ACSL5: variants seen among roughly 807,000 people sequenced by gnomAD.
The protein encoded by ACSL5 is acyl-CoA synthetase long chain family member 5, also known as long-chain-fatty-acid--CoA ligase 5.
ACSL5 carries 50 observed loss-of-function variants against 84.9 expected under a neutral mutation model. The observed-to-expected ratio is 0.59, with a 90% CI of 0.47 to 0.75. ACSL5 has a LOEUF of 0.75. Among genes scored for constraint, ACSL5 ranks in the 30% least tolerant of loss-of-function variants. The pLI is 0.00. For synonymous variants in ACSL5, 280 were observed against 300.7 expected, an observed-to-expected ratio of 0.93 and a Z score of 0.71; for missense variants, 775 against 830.4, an observed-to-expected ratio of 0.93 and a Z score of 0.82.
chr10:112,422,385 G>A lies in ACSL5; in HGVS notation c.1537G>A (p.Glu513Lys). The change falls in exon 17 of 21, where the codon GAA (glutamate) becomes AAA (lysine). Residue 513 changes from glutamate to lysine, a missense_variant. Glu to Lys is a moderately conservative substitution (Grantham distance 56). Transcript: ENST00000354655. ...CCTGAAGGACCCTGAGAAGACACAGGAAGCCCTGGACAGTGATGGCTGGCT... is the reference window on the plus strand; with the variant it reads ...CCTGAAGGACCCTGAGAAGACACAGAAAGCCCTGGACAGTGATGGCTGGCT... ...GYLKDPEKTQ[E>K]ALDSDGWLHT... 6.2e-7 allele frequency: 1 copy of A among 1,614,200 alleles called. No homozygotes were observed. The highest frequency in any genetic ancestry group is 1.7e-4 in the Middle Eastern group (1 of 6,060).
In ACSL5 at chr10:112,411,912, A is replaced by G; in HGVS notation, c.881A>G (p.Glu294Gly). The G allele has an allele frequency of 6.2e-7, 1 of 1,613,778 alleles. No homozygotes were observed. Among genetic ancestry groups the G allele is most frequent in the East Asian group, 2.2e-5 (1 of 44,888 alleles). Residue 294 changes from glutamate (E) to glycine (G), a missense_variant, in exon 11 of 21, where the codon GAG (glutamate) becomes GGG (glycine). Glu to Gly is a moderately conservative substitution (Grantham distance 98, BLOSUM62 -2). Coordinates refer to ENST00000354655, the MANE Select transcript of ACSL5 (RefSeq NM_203379.2). Reference protein sequence around the residue: ...AFLKCVEHAYEPTPDDVAISY... With the variant: ...AFLKCVEHAYGPTPDDVAISY... ...CCCTGGCCTACATAGCATGCTTATG[A>G]GCCCACTCCTGATGATGTGGCCATA...
chr10:112,398,967 A>G lies in ACSL5; in HGVS notation c.223A>G (p.Lys75Glu). Residue 75 changes from lysine to glutamate, a missense_variant, in exon 3 of 21, where the codon AAG (lysine) becomes GAG (glutamate). Lys to Glu is a moderately conservative substitution (Grantham distance 56, BLOSUM62 1). Coordinates refer to ENST00000354655, the MANE Select transcript of ACSL5 (RefSeq NM_203379.2). Reference protein sequence around the residue: ...DLTSCCFSDAKTMYEVFQRGL... With the variant: ...DLTSCCFSDAETMYEVFQRGL... ...AACAAGTTGCTGCTTCTCAGATGCCAAGACTATGTATGAGGTTTTCCAAAG... is the reference window on the plus strand; with the variant it reads ...AACAAGTTGCTGCTTCTCAGATGCCGAGACTATGTATGAGGTTTTCCAAAG... The G allele has an allele frequency of 1.2e-6, 2 of 1,614,096 alleles. No homozygotes were observed. The highest frequency in any genetic ancestry group is 8.5e-7 in the Non-Finnish European group (1 of 1,179,972).
At chr10:112,376,158 T>C (rs1849233874) in intron 1 of ACSL5, 1 of 1,106,396 alleles carries the variant, frequency 9.0e-7, no homozygotes, top group East Asian at 2.4e-5. Flanking sequence ...TCTCCCCTCC[T>C]GGTCAGAACA....
At position 112,410,565 on chromosome 10, in the gene ACSL5, C is replaced by T. The variant is rs1196631320; in HGVS notation, c.745-19C>T. 5.6e-6 allele frequency: 9 copies of T among 1,614,146 alleles called. No homozygotes were observed. Among genetic ancestry groups the T allele is most frequent in the South Asian group, 1.1e-5 (1 of 91,080 alleles). The stretch of plus-strand genomic sequence containing the variant: ...CTCAAAGTTCATGGTGGAATAAGCC[C>T]TTGTGCTTCCTCCTCCAGCCTCCTA... On this transcript the variant is annotated intron_variant, in intron 8 of 20. Transcript: ENST00000354655.
At chr10:112,409,798 G>C in intron 7 of ACSL5, 113 bp downstream of exon 7, 1 of 1,034,996 alleles carries the variant, frequency 9.7e-7, no homozygotes, top group East Asian at 2.4e-5. Context: ...TGGCACGTGA[G>C]GAGTAGATTA....
intron 3 of ACSL5, among the ~76,000 whole-genome samples, chr10:112,399,807 T>TCC (rs1843835264): frequency 6.6e-6 from 1 of 152,222 alleles, no homozygotes; most frequent in Admixed American, 6.5e-5. Context: ...ATATATTACT[T>TCC]CATCTTCCCT....
chr10:112,417,693 A>C (rs1844350405), intron 13 of ACSL5, among the ~76,000 whole-genome samples, 153 bp from the exon 14 acceptor site: 1 of 152,190 alleles, frequency 6.6e-6, no homozygotes, highest in Non-Finnish European at 1.5e-5. Flanking sequence ...TACAATCCAG[A>C]CTGTATTCTA....
At chr10:112,417,477 T>C (rs1206572447) in intron 13 of ACSL5, among the ~76,000 whole-genome samples, 1 of 150,290 alleles carries the variant, frequency 6.7e-6, no homozygotes, top group East Asian at 2.0e-4. Context: ...CACTCCAGCC[T>C]GGGCAGTAGG....
chr10:112,376,057 T>A, intron 1 of ACSL5: 1 of 445,016 alleles, frequency 2.2e-6, no homozygotes, highest in South Asian at 4.1e-5. Flanking sequence ...GAGGGCAGGG[T>A]CAACTGTGTT....
chr10:112,376,310 A>T, intron 1 of ACSL5: 1 of 1,614,176 alleles, frequency 6.2e-7, no homozygotes. Flanking sequence ...TTCTGCCTGC[A>T]TGGACGCTCT....
intron 3 of ACSL5, among the ~76,000 whole-genome samples, chr10:112,401,827 TCTTTCTTTCTTTCTTCCTTCCTTCCTTC>T (rs1564736434): frequency 8.5e-6 from 1 of 117,126 alleles, no homozygotes; most frequent in Non-Finnish European, 1.8e-5. Flanking sequence ...TTTCTTTCTT[TCTTTCTTTCTTTCTTCCTTCCTTCCTTC>T]CTTTCTTTCT....
intron 1 of ACSL5, among the ~76,000 whole-genome samples, chr10:112,392,198 G>A (rs541184358): frequency 1.3e-4 from 20 of 152,322 alleles, no homozygotes; most frequent in East Asian, 5.8e-4. Context: ...TGGGGTGGTC[G>A]TGGTGGCTCA....
At chr10:112,421,377 T>G (rs1844460849) in intron 14 of ACSL5, among the ~76,000 whole-genome samples, 1 of 151,940 alleles carries the variant, frequency 6.6e-6, no homozygotes, top group Admixed American at 6.6e-5. Flanking sequence ...GCCAGGCTGG[T>G]CTCAAACTCC....
rs1365838979 is a variant in ACSL5, at chr10:112,411,788, G to A, written c.871-114G>A. The A allele has an allele frequency of 1.6e-5, 16 of 1,005,710 alleles. No homozygotes were observed. In the Admixed American group the frequency reaches 1.6e-4, roughly 10 times the overall value. 62.3% of individuals were successfully genotyped at this position (1,005,710 alleles called of 1,614,324 possible). A position where few individuals can be genotyped will look rare whatever the true frequency, so the allele number is the denominator to read the frequency against. Reference sequence around the variant, plus strand: ...GCATCTCAGATCTACACAGTGTACCGCCTATACAGCTGTCTGTGGTAGTCC... The same window carrying A: ...GCATCTCAGATCTACACAGTGTACCACCTATACAGCTGTCTGTGGTAGTCC... On this transcript the variant is annotated intron_variant, in intron 10 of 20. Coordinates refer to ENST00000354655, the MANE Select transcript of ACSL5 (RefSeq NM_203379.2).
chr10:112,400,500 C>A (rs1408830227), intron 3 of ACSL5, among the ~76,000 whole-genome samples: 4 of 147,338 alleles, frequency 2.7e-5, no homozygotes, highest in African/African-American at 7.5e-5. Context: ...ACCTCTGCCT[C>A]CCAGGTTCAA....
chr10:112,398,989 A>G lies in ACSL5; in HGVS notation c.245A>G (p.Gln82Arg). 1.2e-6 allele frequency: 2 copies of G among 1,613,974 alleles called. No homozygotes were observed. Among genetic ancestry groups the G allele is most frequent in the Non-Finnish European group, 1.7e-6 (2 of 1,179,878 alleles). The change falls in exon 3 of 21, where the codon CAA (glutamine) becomes CGA (arginine). Residue 82 changes from glutamine to arginine, a missense_variant. By Grantham distance (43) the Gln-to-Arg change is conservative. Transcript: ENST00000354655. The part of the protein sequence containing the change: ...SDAKTMYEVF[Q>R]RGLAVSDNGP... ...GCCAAGACTATGTATGAGGTTTTCCAAAGAGGACTCGCTGTGTCTGGTAAG... is the reference window on the plus strand; with the variant it reads ...GCCAAGACTATGTATGAGGTTTTCCGAAGAGGACTCGCTGTGTCTGGTAAG...
At chr10:112,417,091 C>A in intron 13 of ACSL5, 69 bp downstream of exon 13, 1 of 1,542,988 alleles carries the variant, frequency 6.5e-7, no homozygotes, top group Non-Finnish European at 8.8e-7. Context: ...TTAGACCTTG[C>A]TTTTCCTCTG....
intron 1 of ACSL5, among the ~76,000 whole-genome samples, chr10:112,375,934 TC>T (rs879325605): frequency 1.3e-5 from 2 of 152,130 alleles, no homozygotes; most frequent in African/African-American, 2.4e-5. Flanking sequence ...GTCCTCCGAA[TC>T]CAGCAGGGAA....
chr10:112,423,863 C>T (rs1266219363), intron 17 of ACSL5, among the ~76,000 whole-genome samples: 3 of 152,042 alleles, frequency 2.0e-5, no homozygotes, highest in East Asian at 1.9e-4. Context: ...TGGCAGCTCA[C>T]GCCTATAATC....
Sources: gnomAD v4.1 joint callset for allele counts (sites outside exome capture counted in the v4.1 genomes callset) on GRCh38, gnomAD v4.1.1 for gene constraint, MANE v1.5 for transcripts, NCBI Gene and HGNC (gene_info 2026-07-23, HGNC 2026-07-21) for gene names.